SAMD4A: variants seen among roughly 807,000 people sequenced by gnomAD.
SAMD4A encodes the protein sterile alpha motif domain containing 4A.
A neutral mutation model predicts 81.3 loss-of-function variants in SAMD4A; 33 were observed. The ratio of observed to expected loss-of-function variants is 0.41; its 90% CI spans 0.31 to 0.54. The LOEUF is 0.54. Ranked by LOEUF, SAMD4A falls within the 20% of genes least tolerant of loss-of-function variation. SAMD4A has a pLI of 0.37. For synonymous variants in SAMD4A, 389 were observed against 382.1 expected (o/e 1.02, Z -0.21); for missense variants, 854 against 951.1 (o/e 0.90, Z 1.34).
Position 54,602,323 on chromosome 14 carries a change from T to TACACACAC in SAMD4A, c.196+34256_196+34263dup, listed in dbSNP as rs3049830. ...CCATTGCTAGAGGACTGCTTTAAAA[T>TACACACAC]ACACACACACACACACACACACACA... On this transcript the variant is annotated intron_variant, in intron 2 of 12. Coordinates refer to ENST00000554335, the MANE Select transcript of SAMD4A (RefSeq NM_015589.6). Among the ~76,000 whole-genome samples, 291 of 136,626 alleles carry TACACACAC rather than the reference T, an allele frequency of 2.1e-3. 2 individuals carry two copies. The highest frequency in any genetic ancestry group is 4.6e-3 in the African/African-American group (172 of 37,058). 89.6% of individuals were successfully genotyped at this position (136,626 alleles called of 152,430 possible).
chr14:54,621,783 T>C (rs539614804), intron 2 of SAMD4A, among the ~76,000 whole-genome samples: 2 of 152,352 alleles, frequency 1.3e-5, no homozygotes, highest in Admixed American at 1.3e-4. Flanking sequence ...ATTGATGCTT[T>C]CTTATGCATT....
chr14:54,775,253 G>A (rs2038813124), intron 10 of SAMD4A, 118 bp downstream of exon 10: 4 of 1,065,202 alleles, frequency 3.8e-6, no homozygotes, highest in Non-Finnish European at 4.3e-6. Flanking sequence ...GCTGGGGGCA[G>A]TTGCCACCAT....
intron 2 of SAMD4A, among the ~76,000 whole-genome samples, chr14:54,590,194 C>T (rs1027699330): frequency 6.6e-6 from 1 of 152,136 alleles, no homozygotes; most frequent in East Asian, 1.9e-4. Context: ...AAAAATAAAG[C>T]AGGGGAAAGG....
At chr14:54,573,706 A>T (rs2033202059) in intron 2 of SAMD4A, among the ~76,000 whole-genome samples, 1 of 152,228 alleles carries the variant, frequency 6.6e-6, no homozygotes, top group Non-Finnish European at 1.5e-5. Context: ...ATAGATTAAG[A>T]TGCAGAAGCA....
At chr14:54,688,788 C>T (rs929590757) in intron 2 of SAMD4A, among the ~76,000 whole-genome samples, 1 of 152,166 alleles carries the variant, frequency 6.6e-6, no homozygotes, top group African/African-American at 2.4e-5. Context: ...ATCAGCCTTA[C>T]TCGATCCTCC....
intron 2 of SAMD4A, chr14:54,681,849 A>G: frequency 1.0e-6 from 1 of 985,458 alleles, no homozygotes. Flanking sequence ...GAACTCTCCC[A>G]AAAGATAAGC....
chr14:54,621,388 C>A (rs540726828), intron 2 of SAMD4A, among the ~76,000 whole-genome samples: 1 of 150,768 alleles, frequency 6.6e-6, no homozygotes, highest in East Asian at 1.9e-4. Flanking sequence ...CTCGCTGTGT[C>A]CCCCAGGCTG....
chr14:54,786,915 T>A (rs1035369013), intron 12 of SAMD4A, among the ~76,000 whole-genome samples: 1 of 152,230 alleles, frequency 6.6e-6, no homozygotes, highest in Admixed American at 6.5e-5. Context: ...TTTTTCCCAA[T>A]GATCTCCTCT....
chr14:54,760,236 T>C lies in SAMD4A; in HGVS notation c.1252T>C (p.Tyr418His). Residue 418 changes from tyrosine to histidine, a missense_variant, in exon 7 of 13, where the codon TAC becomes CAC. Tyr to His is a moderately conservative substitution (Grantham distance 83). Around this residue, in one of 3 missense-constraint regions of SAMD4A, gnomAD observed 428 missense variants for 471.2 expected, o/e 0.91. Coordinates refer to ENST00000554335, the MANE Select transcript of SAMD4A (RefSeq NM_015589.6). Reference sequence around the variant, plus strand: ...GATGATCCTGACTCCGATCAAGGCCTACAGCTCCCCGAGCACCACCCCCGA... The same window carrying C: ...GATGATCCTGACTCCGATCAAGGCCCACAGCTCCCCGAGCACCACCCCCGA... The part of the protein sequence containing the change: ...HQMILTPIKA[Y>H]SSPSTTPEAR... The C allele has an allele frequency of 6.2e-7, 1 of 1,613,276 alleles. No homozygotes were observed. The highest frequency in any genetic ancestry group is 8.5e-7 in the Non-Finnish European group (1 of 1,179,890).
intron 8 of SAMD4A, among the ~76,000 whole-genome samples, chr14:54,768,728 C>T (rs1279844862): frequency 1.3e-5 from 2 of 152,202 alleles, no homozygotes; most frequent in Non-Finnish European, 2.9e-5. Flanking sequence ...GCCACGCCCT[C>T]GCCTCCTAGC....
At chr14:54,715,879 A>T (rs995138556) in intron 3 of SAMD4A, among the ~76,000 whole-genome samples, 7 of 152,160 alleles carry the variant, frequency 4.6e-5, no homozygotes, top group Non-Finnish European at 1.0e-4. Flanking sequence ...AAATTGGCAA[A>T]AATAATACTG....
intron 2 of SAMD4A, among the ~76,000 whole-genome samples, chr14:54,636,674 T>C (rs1566560073): frequency 6.6e-6 from 1 of 152,118 alleles, no homozygotes; most frequent in Admixed American, 6.5e-5. Context: ...GAAGGTGGAT[T>C]TCCTGACAAC....
intron 3 of SAMD4A, among the ~76,000 whole-genome samples, chr14:54,726,984 T>C (rs2037430798): frequency 6.6e-6 from 1 of 151,962 alleles, no homozygotes; most frequent in Non-Finnish European, 1.5e-5. Context: ...CTAGAGAAAA[T>C]ACAGGGCTAG....
At chr14:54,572,373 A>T (rs1211163864) in intron 2 of SAMD4A, among the ~76,000 whole-genome samples, 1 of 152,182 alleles carries the variant, frequency 6.6e-6, no homozygotes, top group African/African-American at 2.4e-5. Context: ...ATATAAAAAG[A>T]TTGTAAAGAG....
intron 4 of SAMD4A, 116 bp from the exon 5 acceptor site, chr14:54,748,699 C>CTTTTTTTTTTT: frequency 1.5e-6 from 1 of 683,422 alleles, no homozygotes; most frequent in Non-Finnish European, 2.5e-6. Context: ...GTTACTTTTT[C>CTTTTTTTTTTT]TTTTTTTTTC....
At chr14:54,601,949 A>T (rs1171349645) in intron 2 of SAMD4A, among the ~76,000 whole-genome samples, 1 of 152,206 alleles carries the variant, frequency 6.6e-6, no homozygotes, top group Non-Finnish European at 1.5e-5. Flanking sequence ...GAGAAAGAAG[A>T]AAACTCCGAA....
chr14:54,734,223 A>G (rs1020232849), intron 3 of SAMD4A, among the ~76,000 whole-genome samples: 2 of 152,172 alleles, frequency 1.3e-5, no homozygotes, highest in African/African-American at 4.8e-5. Context: ...TCCTTTGGAG[A>G]ACAGAGGCAT....
At chr14:54,614,214 G>A (rs1194194638) in intron 2 of SAMD4A, among the ~76,000 whole-genome samples, 1 of 152,096 alleles carries the variant, frequency 6.6e-6, no homozygotes, top group South Asian at 2.1e-4. Context: ...TTTTTTTCTG[G>A]AAAAGATAAT....
At chr14:54,750,758 T>C (rs1039815516) in intron 5 of SAMD4A, among the ~76,000 whole-genome samples, 4 of 152,062 alleles carry the variant, frequency 2.6e-5, no homozygotes, top group Non-Finnish European at 4.4e-5. Context: ...GTTGGGACCT[T>C]TAGGGAAACT....
Sources: gnomAD v4.1 joint callset for allele counts (sites outside exome capture counted in the v4.1 genomes callset) on GRCh38, gnomAD v4.1.1 for gene constraint, gnomAD v4.1.1 regional missense constraint, MANE v1.5 for transcripts, NCBI Gene and HGNC (gene_info 2026-07-23, HGNC 2026-07-21) for gene names.